Variants in AGO1 observed in about 807,000 individuals in gnomAD.
AGO1 encodes the protein protein argonaute-1.
In AGO1, 11 loss-of-function variants were observed where a neutral mutation model predicts 109.2. The ratio of observed to expected loss-of-function variants is 0.10; its 90% CI spans 0.06 to 0.17. The LOEUF (loss-of-function observed/expected upper bound fraction) is 0.17, where lower values mean the gene tolerates loss of function less well. Ranked by LOEUF, AGO1 falls within the 10% of genes least tolerant of loss-of-function variation. The pLI is 1.00. For missense variants in AGO1, 574 were observed against 1,140.3 expected (o/e 0.50, Z 7.15); for synonymous variants, 422 against 418.6 (o/e 1.01, Z -0.10).
rs1170656511 is a variant in AGO1 at position 35,927,496 on chromosome 1, A to G, written c.*7889A>G. On this transcript the variant is annotated 3_prime_UTR_variant, in exon 19 of 19. Transcript: ENST00000373204. ...AATGCTGACAGAACCGTGTCTGGCAAAAGAGAGACAGATTTTTCTGTGTCC... is the reference window on the plus strand; with the variant it reads ...AATGCTGACAGAACCGTGTCTGGCAGAAGAGAGACAGATTTTTCTGTGTCC... The G allele has an allele frequency of 6.6e-6, 1 of 152,196 alleles. No individual in the cohort carries two copies. The allele number at this position is 152,196 out of a possible 1,614,324, so 9.4% of individuals were successfully genotyped here.
rs895920140 is a variant in AGO1 at position 35,923,489 on chromosome 1, A to G, written c.*3882A>G. On this transcript the variant is annotated 3_prime_UTR_variant, in exon 19 of 19. Coordinates refer to ENST00000373204, the MANE Select transcript of AGO1 (RefSeq NM_012199.5). ...TAGCCAAAAGGCAGTTTTGGAAACTACATTGGGGGACGTTATTTTTATTTA... is the reference window on the plus strand; with the variant it reads ...TAGCCAAAAGGCAGTTTTGGAAACTGCATTGGGGGACGTTATTTTTATTTA... 72 of 152,656 alleles carry G rather than the reference A, an allele frequency of 4.7e-4. 5 individuals are homozygous for G. The highest frequency in any genetic ancestry group is 5.9e-5 in the Non-Finnish European group (4 of 68,056). The allele number at this position is 152,656 out of a possible 1,614,324, so 9.5% of individuals were successfully genotyped here.
intron 11 of AGO1, among the ~76,000 whole-genome samples, chr1:35,903,198 G>A (rs1048128294): frequency 4.6e-5 from 7 of 151,818 alleles, no homozygotes; most frequent in Admixed American, 3.3e-4. Context: ...AGTAGAGATG[G>A]GGTTTCAGTG....
At chr1:35,889,583 C>T (rs543388662) in intron 2 of AGO1, among the ~76,000 whole-genome samples, 3 of 152,152 alleles carry the variant, frequency 2.0e-5, no homozygotes, top group Non-Finnish European at 2.9e-5. Context: ...TCAAATATTA[C>T]AAAAAGAATA....
At chr1:35,907,374 G>A (rs561857998) in intron 12 of AGO1, among the ~76,000 whole-genome samples, 12 of 152,232 alleles carry the variant, frequency 7.9e-5, no homozygotes, top group African/African-American at 2.6e-4. Context: ...AGGCTATGCT[G>A]GGCCAGGTAC....
rs776940658 is a variant in AGO1 at position 35,902,084 on chromosome 1, G to A, written c.1263+14G>A. On this transcript the variant is annotated intron_variant, in intron 10 of 18. Coordinates refer to ENST00000373204, the MANE Select transcript of AGO1 (RefSeq NM_012199.5). ...TACGGCGGCCGGGTGAGCAGGGTCAGGGCCAGACAACATCTCGGGGCATAT... is the reference window on the plus strand; with the variant it reads ...TACGGCGGCCGGGTGAGCAGGGTCAAGGCCAGACAACATCTCGGGGCATAT... The A allele has an allele frequency of 3.1e-6, 5 of 1,594,746 alleles. No homozygotes were observed. Among genetic ancestry groups the A allele is most frequent in the Non-Finnish European group, 4.3e-6 (5 of 1,169,680 alleles).
At position 35,915,445 on chromosome 1, in the gene AGO1, T is replaced by C. The variant is rs767845424; in HGVS notation, c.1931T>C (p.Val644Ala). The C allele has an allele frequency of 6.2e-7, 1 of 1,614,072 alleles. No individual in the cohort carries two copies. The highest frequency in any genetic ancestry group is 8.5e-7 in the Non-Finnish European group (1 of 1,180,018). The change falls in exon 15 of 19, where the codon GTG (valine) becomes GCG (alanine). Residue 644 changes from valine (V) to alanine (A), a missense_variant. Around this residue, in one of 8 missense-constraint regions of AGO1, gnomAD observed 45 missense variants for 61.3 expected, o/e 0.73. Coordinates refer to ENST00000373204, the MANE Select transcript of AGO1 (RefSeq NM_012199.5). ...QEIIEDLSYM[V>A]RELLIQFYKS... ...ATCATTGAAGACTTGTCCTACATGGTGCGTGAGCTCCTCATCCAATTCTAC... is the reference window on the plus strand; with the variant it reads ...ATCATTGAAGACTTGTCCTACATGGCGCGTGAGCTCCTCATCCAATTCTAC...
At chr1:35,897,573 A>G (rs1347511292) in intron 8 of AGO1, among the ~76,000 whole-genome samples, 1 of 152,074 alleles carries the variant, frequency 6.6e-6, no homozygotes, top group East Asian at 1.9e-4. Context: ...CTGTAATCCC[A>G]GCACTTTGGG....
At chr1:35,879,481 G>A (rs1336546577), upstream of AGO1, among the ~76,000 whole-genome samples, 1 of 148,906 alleles carries the variant, frequency 6.7e-6, no homozygotes, top group Non-Finnish European at 1.5e-5. Context: ...AATGCAGCTG[G>A]GCGCAGTGGC....
chr1:35,916,232 T>G (rs1201680653), intron 15 of AGO1, among the ~76,000 whole-genome samples: 1 of 152,202 alleles, frequency 6.6e-6, no homozygotes, highest in Non-Finnish European at 1.5e-5. Flanking sequence ...TGTATTTCCA[T>G]TTAACAGATG....
intron 1 of AGO1, among the ~76,000 whole-genome samples, chr1:35,887,445 G>C (rs1645139204): frequency 6.6e-6 from 1 of 152,068 alleles, no homozygotes; most frequent in Admixed American, 6.5e-5. Flanking sequence ...GGCAAAAGAG[G>C]GTAAAGTAGC....
At chr1:35,897,542 G>A (rs771968170) in intron 8 of AGO1, among the ~76,000 whole-genome samples, 1 of 152,208 alleles carries the variant, frequency 6.6e-6, no homozygotes, top group South Asian at 2.1e-4. Context: ...GCTTTATCCA[G>A]GTTGGCTGTG....
At chr1:35,917,820 C>A in intron 16 of AGO1, 93 bp downstream of exon 16, 1 of 1,521,940 alleles carries the variant, frequency 6.6e-7, no homozygotes, top group Non-Finnish European at 8.9e-7. Flanking sequence ...GGGATTTAGT[C>A]CTTGTCCTAT....
rs528212743 is a variant in AGO1 at position 35,918,532 on chromosome 1, T to C, written c.2265+109T>C. On this transcript the variant is annotated intron_variant, in intron 17 of 18. Transcript: ENST00000373204. ...TGAATGACATCCAAATTAGGATTGC[T>C]CTCTTTTCTGTTTGTTCTGTTTTGT... The C allele has an allele frequency of 4.4e-5, 42 of 957,510 alleles. No individual in the cohort carries two copies. The South Asian group carries it at 5.6e-4, about 13-fold the overall frequency. 59.3% of individuals were successfully genotyped at this position (957,510 alleles called of 1,614,324 possible).
intron 12 of AGO1, among the ~76,000 whole-genome samples, chr1:35,911,124 A>G (rs1465337912): frequency 6.6e-6 from 1 of 152,182 alleles, no homozygotes; most frequent in Non-Finnish European, 1.5e-5. Context: ...TGTCCTTTGA[A>G]CATGTATAAC....
chr1:35,884,089 AC>A (rs577341328), intron 1 of AGO1, among the ~76,000 whole-genome samples: 3 of 134,954 alleles, frequency 2.2e-5, no homozygotes, highest in Admixed American at 7.3e-5. Context: ...ACCTCTCCAC[AC>A]CCCCCCGCCC....
At chr1:35,911,637 A>G (rs112689746) in intron 12 of AGO1, among the ~76,000 whole-genome samples, 2 of 152,228 alleles carry the variant, frequency 1.3e-5, no homozygotes, top group Non-Finnish European at 2.9e-5. Flanking sequence ...CCGCTATTCC[A>G]TCTCTCTTGG....
In AGO1 at chr1:35,893,326, T is replaced by A; in HGVS notation, c.512+48T>A. 5.7e-6 allele frequency: 9 copies of A among 1,575,454 alleles called. No individual in the cohort carries two copies. Among genetic ancestry groups the A allele is most frequent in the Non-Finnish European group, 7.8e-6 (9 of 1,155,654 alleles). On this transcript the variant is annotated intron_variant, in intron 4 of 18. Transcript: ENST00000373204. The surrounding 1 kb of genome is among the most constrained non-coding windows in gnomAD (Gnocchi z 5.6). ...GGGCTACTAGTGTTGGCAGAACTGC[T>A]GTCAGGGGAGGAGGGGGAGCACATA...
rs905654339 is a variant in AGO1 at position 35,906,430 on chromosome 1, C to T, written c.1398-505C>T. On this transcript the variant is annotated intron_variant, in intron 11 of 18. Coordinates refer to ENST00000373204, the MANE Select transcript of AGO1 (RefSeq NM_012199.5). ...TTCCTCGTCTCCTTGCTTGTACCAT[C>T]GAACACTTAGCAAGTACTCTCTTAC... Among the ~76,000 whole-genome samples, 9 of 152,162 alleles carry T rather than the reference C, an allele frequency of 5.9e-5. No individual in the cohort carries two copies. In the East Asian group the frequency reaches 7.7e-4, roughly 13 times the overall value.
At chr1:35,883,191 CGGCGGTCGCGCCTGCGCACT>C (rs1436076599) in exon 1 of AGO1, 1 of 1,167,732 alleles carries the variant, frequency 8.6e-7, no homozygotes, top group Non-Finnish European at 1.1e-6. The surrounding 1 kb of genome is among the most constrained non-coding windows in gnomAD (Gnocchi z 5.4). Context: ...CCCCTGGGCC[CGGCGGTCGCGCCTGCGCACT>C]GGCAGCTGGC....
Sources: allele counts gnomAD v4.1 joint callset (sites outside exome capture counted in the v4.1 genomes callset), GRCh38; gene constraint gnomAD v4.1.1; regional missense constraint gnomAD v4.1.1; non-coding constraint Gnocchi (gnomAD v3.1); transcripts MANE v1.5; gene names NCBI Gene and HGNC (gene_info 2026-07-23, HGNC 2026-07-21).